Variants in TBATA observed in about 807,000 individuals in gnomAD.
The protein encoded by TBATA is protein TBATA.
Under a neutral mutation model 38.7 loss-of-function variants are expected in TBATA, and 47 were observed. The observed-to-expected ratio is 1.21, with a 90% CI of 0.96 to 1.55. The LOEUF (loss-of-function observed/expected upper bound fraction) is 1.55. TBATA is among the 40% of genes most tolerant of loss of function. The pLI, the probability that TBATA is intolerant of heterozygous loss-of-function variation, is 0.00. For missense variants in TBATA, 436 were observed against 435.6 expected, an observed-to-expected ratio of 1.00 and a Z score of -0.01; for synonymous variants, 183 against 170.5, an observed-to-expected ratio of 1.07 and a Z score of -0.57.
Position 70,783,492 on chromosome 10 carries a change from G to C in TBATA, c.-113C>G. 2 of 1,257,266 alleles carry C rather than the reference G, an allele frequency of 1.6e-6. No individual in the cohort carries two copies. Among genetic ancestry groups the C allele is most frequent in the Admixed American group, 1.8e-5 (1 of 54,896 alleles). 77.9% of individuals were successfully genotyped at this position (1,257,266 alleles called of 1,614,324 possible). On this transcript the variant is annotated 5_prime_UTR_variant, in exon 3 of 11. Coordinates refer to ENST00000456372, the MANE Select transcript of TBATA (RefSeq NM_001318241.2). Reference sequence around the variant, plus strand: ...GAGGATGCAGAACAGGAACTCTCACGAACTGGTGGTGGAAGTGTAAACGGG... The same window carrying C: ...GAGGATGCAGAACAGGAACTCTCACCAACTGGTGGTGGAAGTGTAAACGGG...
At position 70,771,357 on chromosome 10, in the gene TBATA, G is replaced by T. The variant is rs200729467; in HGVS notation, c.*19C>A. On this transcript the variant is annotated 3_prime_UTR_variant, in exon 11 of 11. Coordinates refer to ENST00000456372, the MANE Select transcript of TBATA (RefSeq NM_001318241.2). The stretch of plus-strand genomic sequence containing the variant: ...TTGGGGCTGCTCTTGAGCAAGGCAG[G>T]TGCAAGTGTTAGGGCCCCTCAGCTC... The T allele has an allele frequency of 5.8e-4, 939 of 1,614,196 alleles. No individual in the cohort carries two copies. Among genetic ancestry groups the T allele is most frequent in the Middle Eastern group, 3.3e-3 (20 of 6,062 alleles).
At chr10:70,777,446 C>T in intron 6 of TBATA, 108 bp from the exon 7 acceptor site, 1 of 1,008,866 alleles carries the variant, frequency 9.9e-7, no homozygotes, top group Non-Finnish European at 1.4e-6. Flanking sequence ...GGCACTTCGC[C>T]TCCCAAATCC....
rs374281726 is a variant in TBATA at position 70,783,423 on chromosome 10, G to A, written c.-44C>T. On this transcript the variant is annotated 5_prime_UTR_variant, in exon 3 of 11. Transcript: ENST00000456372. ...CTAAAGGCCAGTGCACTTAATACTA[G>A]CGTTGAGGATGCAGAACAGGAACTC... is the stretch of plus-strand genomic sequence containing the variant. 1.2e-5 allele frequency: 19 copies of A among 1,609,320 alleles called. No individual in the cohort carries two copies. The highest frequency in any genetic ancestry group is 2.7e-5 in the African/African-American group (2 of 74,958).
chr10:70,782,175 C>G, intron 3 of TBATA, 139 bp from the exon 4 acceptor site: 1 of 1,235,332 alleles, frequency 8.1e-7, no homozygotes, highest in Admixed American at 2.1e-5. Context: ...ACCACCACCC[C>G]CATAGCACCA....
chr10:70,772,851 G>A (rs556284850), intron 9 of TBATA, among the ~76,000 whole-genome samples: 5 of 152,336 alleles, frequency 3.3e-5, no homozygotes, highest in East Asian at 3.9e-4. Context: ...TGGAGAAACA[G>A]GGCATGGACT....
intron 9 of TBATA, 93 bp from the exon 10 acceptor site, chr10:70,772,659 G>T (rs770596624): frequency 1.5e-6 from 2 of 1,317,158 alleles, no homozygotes; most frequent in Admixed American, 3.4e-5. Context: ...GGAAGGTGGT[G>T]CAGGTGCAGT....
chr10:70,782,010 T>G lies in TBATA; in HGVS notation c.68A>C (p.Lys23Thr). ...GCTCCTTGGCTTGCGCCCTGACTTC[T>G]TCTCCAGTTTCAGCTCAGCCTTTGG... ...MSPKAELKLE[K>T]KSGRKPRSPR... The change falls in exon 4 of 11, where the codon AAG becomes ACG. Residue 23 changes from lysine (K) to threonine (T), a missense_variant. Physicochemically the swap from Lys to Thr is moderately conservative, Grantham distance 78 (BLOSUM62 -1). Coordinates refer to ENST00000456372, the MANE Select transcript of TBATA (RefSeq NM_001318241.2). 1.2e-6 allele frequency: 2 copies of G among 1,614,250 alleles called. No homozygotes were observed. Among genetic ancestry groups the G allele is most frequent in the Non-Finnish European group, 1.7e-6 (2 of 1,180,036 alleles).
intron 10 of TBATA, among the ~76,000 whole-genome samples, chr10:70,771,915 G>A (rs1842831572): frequency 6.6e-6 from 1 of 151,994 alleles, no homozygotes; most frequent in Non-Finnish European, 1.5e-5. Flanking sequence ...GAGGGGGCAT[G>A]CACACCCTGC....
chr10:70,771,341 C>T lies in TBATA; in HGVS notation c.*35G>A. ...AAACACCCCTGAACCCTTGGGGCTG[C>T]TCTTGAGCAAGGCAGGTGCAAGTGT... On this transcript the variant is annotated 3_prime_UTR_variant, in exon 11 of 11. Transcript: ENST00000456372. 1 of 1,614,128 alleles carries T rather than the reference C, an allele frequency of 6.2e-7. No individual in the cohort carries two copies. Among genetic ancestry groups the T allele is most frequent in the South Asian group, 1.1e-5 (1 of 91,084 alleles).
intron 10 of TBATA, 148 bp downstream of exon 10, chr10:70,772,366 G>T: frequency 1.2e-6 from 1 of 803,312 alleles, no homozygotes; most frequent in Non-Finnish European, 2.2e-6. Context: ...ATTTGTTAAA[G>T]AATGAATATG....
chr10:70,777,773 G>T, intron 6 of TBATA: 1 of 445,664 alleles, frequency 2.2e-6, no homozygotes, highest in Non-Finnish European at 4.5e-6. Context: ...TTAATTCCCA[G>T]CTCAGCTGCC....
Position 70,779,638 on chromosome 10 carries a change from G to A in TBATA, c.382C>T (p.Pro128Ser). The part of the protein sequence containing the change: ...CQMGIPTISV[P>S]IGDPQSNRNP... ...CGATTAGACTGTGGGTCTCCAATGG[G>A]GACAGAGATGGTGGGTATCCCCATT... Residue 128 changes from proline (P) to serine (S), a missense_variant, in exon 5 of 11, where the codon CCC becomes TCC. Pro to Ser is a moderately conservative substitution (Grantham distance 74). Coordinates refer to ENST00000456372, the MANE Select transcript of TBATA (RefSeq NM_001318241.2). 1 of 1,531,442 alleles carries A rather than the reference G, an allele frequency of 6.5e-7. No individual in the cohort carries two copies. Among genetic ancestry groups the A allele is most frequent in the Non-Finnish European group, 8.7e-7 (1 of 1,148,502 alleles). The allele number at this position is 1,531,442 out of a possible 1,614,324, so 94.9% of individuals were successfully genotyped here.
chr10:70,771,508 G>GC, intron 10 of TBATA, 47 bp from the exon 11 acceptor site: 1 of 1,588,714 alleles, frequency 6.3e-7, no homozygotes, highest in Admixed American at 1.7e-5. Context: ...GGAAGGTGGG[G>GC]CCCCCACCTG....
At chr10:70,779,529 G>A (rs1032813059) in intron 5 of TBATA, 64 bp downstream of exon 5, 4 of 1,424,362 alleles carry the variant, frequency 2.8e-6, no homozygotes, top group East Asian at 2.8e-5. Context: ...ACCCACCCAA[G>A]TGAGGCAGCC....
intron 10 of TBATA, 47 bp from the exon 11 acceptor site, chr10:70,771,508 GC>G: frequency 1.9e-6 from 3 of 1,588,708 alleles, no homozygotes; most frequent in Non-Finnish European, 2.6e-6. Context: ...GGAAGGTGGG[GC>G]CCCCACCTGG....
Position 70,779,607 on chromosome 10 carries a change from G to A in TBATA, c.413C>T (p.Pro138Leu). Residue 138 changes from proline to leucine, a missense_variant, in exon 5 of 11, where the codon CCC (proline) becomes CTC (leucine). Coordinates refer to ENST00000456372, the MANE Select transcript of TBATA (RefSeq NM_001318241.2). ...PIGDPQSNRN[P>L]QLSSEAWKKE... The stretch of plus-strand genomic sequence containing the variant: ...CAAGTACCCACCAGAAGAAAGCTGG[G>A]GGTTCCGATTAGACTGTGGGTCTCC... 6.7e-7 allele frequency: 1 copy of A among 1,503,722 alleles called. No homozygotes were observed. Among genetic ancestry groups the A allele is most frequent in the Non-Finnish European group, 8.8e-7 (1 of 1,132,300 alleles). The allele number at this position is 1,503,722 out of a possible 1,614,324, so 93.1% of individuals were successfully genotyped here.
chr10:70,774,051 T>G (rs1004274781), intron 9 of TBATA, 162 bp downstream of exon 9: 1 of 517,664 alleles, frequency 1.9e-6, no homozygotes, highest in Non-Finnish European at 2.5e-6. Flanking sequence ...GTGGCTTGGG[T>G]AGCACTAGAA....
chr10:70,773,898 T>C (rs938051970), intron 9 of TBATA, among the ~76,000 whole-genome samples: 1 of 152,246 alleles, frequency 6.6e-6, no homozygotes, highest in Non-Finnish European at 1.5e-5. Context: ...TCTCTACTCA[T>C]GTCTTCCCAT....
intron 7 of TBATA, among the ~76,000 whole-genome samples, chr10:70,776,749 C>T (rs1264798629): frequency 1.3e-5 from 2 of 152,180 alleles, no homozygotes; most frequent in Non-Finnish European, 1.5e-5. Flanking sequence ...CACTGAAGCA[C>T]AAGCCAGGCC....
Sources: allele counts gnomAD v4.1 joint callset (sites outside exome capture counted in the v4.1 genomes callset), GRCh38; gene constraint gnomAD v4.1.1; transcripts MANE v1.5; gene names NCBI Gene and HGNC (gene_info 2026-07-23, HGNC 2026-07-21).